EXD1: variants seen among roughly 807,000 people sequenced by gnomAD.
The protein encoded by EXD1 is exonuclease 3'-5' domain containing 1.
Under a neutral mutation model 49.1 loss-of-function variants are expected in EXD1, and 63 were observed. That is an observed-to-expected ratio of 1.28 (90% CI 1.05 to 1.58). The LOEUF (loss-of-function observed/expected upper bound fraction) is 1.58. EXD1 is among the 40% of genes most tolerant of loss of function. EXD1 has a pLI of 0.00. For synonymous variants in EXD1, 234 were observed against 239.2 expected, an observed-to-expected ratio of 0.98 and a Z score of 0.20; for missense variants, 748 against 666.0, an observed-to-expected ratio of 1.12 and a Z score of -1.36.
intron 9 of EXD1, chr15:41,192,380 T>C: frequency 6.6e-6 from 1 of 152,214 alleles, no homozygotes; most frequent in Non-Finnish European, 1.5e-5. Context: ...CATTGCAACC[T>C]CCACCTCCCG....
intron 5 of EXD1, 36 bp downstream of exon 5, chr15:41,216,631 CA>C (rs371128554): frequency 0.022 from 22,419 of 1,004,586 alleles, no homozygotes; most frequent in South Asian, 0.045. Context: ...AACTCCATCT[CA>C]AAAAAAAAAA....
chr15:41,218,110 T>A (rs901224517), intron 3 of EXD1, among the ~76,000 whole-genome samples: 2 of 152,086 alleles, frequency 1.3e-5, no homozygotes, highest in African/African-American at 2.4e-5. Context: ...TCTGGGAAGC[T>A]GAGGCAGGCA....
At chr15:41,210,884 T>C (rs1165056104) in intron 6 of EXD1, among the ~76,000 whole-genome samples, 2 of 152,134 alleles carry the variant, frequency 1.3e-5, no homozygotes, top group East Asian at 3.9e-4. Flanking sequence ...ATATCTCCCT[T>C]TAGAGAGCAT....
Position 41,183,992 on chromosome 15 carries a change from G to A in EXD1, c.1658C>T (p.Pro553Leu). The change falls in exon 12 of 12, where the codon CCT becomes CTT. Residue 553 changes from proline (P) to leucine (L), a missense_variant. Coordinates refer to ENST00000458580, the MANE Select transcript of EXD1 (RefSeq NM_001286441.2). ...PIRKTVVSTL[P>L]PCPALEKIDS... ...GATCTTCTCCAAGGCTGGACAGGGAGGGAGTGTGGAAACCACAGTCTTTCT... is the reference window on the plus strand; with the variant it reads ...GATCTTCTCCAAGGCTGGACAGGGAAGGAGTGTGGAAACCACAGTCTTTCT... The A allele has an allele frequency of 6.2e-7, 1 of 1,613,948 alleles. No individual in the cohort carries two copies. Among genetic ancestry groups the A allele is most frequent in the Non-Finnish European group, 8.5e-7 (1 of 1,179,918 alleles).
intron 2 of EXD1, among the ~76,000 whole-genome samples, chr15:41,223,538 T>C (rs1409494438): frequency 6.6e-6 from 1 of 151,006 alleles, no homozygotes; most frequent in Non-Finnish European, 1.5e-5. Context: ...CCAGGCAACA[T>C]AGTGAGACCC....
intron 7 of EXD1, among the ~76,000 whole-genome samples, chr15:41,199,778 ATATAT>A (rs983956700): frequency 1.4e-4 from 4 of 29,480 alleles, no homozygotes; most frequent in Non-Finnish European, 2.1e-4. Flanking sequence ...TATATATGTC[ATATAT>A]TATATAATGT....
At chr15:41,224,505 C>T (rs2047133382) in intron 2 of EXD1, among the ~76,000 whole-genome samples, 1 of 152,034 alleles carries the variant, frequency 6.6e-6, no homozygotes, top group South Asian at 2.1e-4. Flanking sequence ...TATATTGAAG[C>T]TTCCAGATTG....
intron 7 of EXD1, among the ~76,000 whole-genome samples, chr15:41,205,947 T>G (rs1049398307): frequency 3.3e-5 from 5 of 150,632 alleles, no homozygotes; most frequent in African/African-American, 1.2e-4. Context: ...GGGCATGATC[T>G]TGGCTCACTG....
chr15:41,226,512 A>T lies in EXD1; in HGVS notation c.64T>A (p.Leu22Met), dbSNP rs890979564. 13 of 1,535,962 alleles carry T rather than the reference A, an allele frequency of 8.5e-6. No homozygotes were observed. In the East Asian group the frequency reaches 3.2e-4, roughly 38 times the overall value. ...QILWKRVKLT[L>M]VCGVFEGVLQ... ...ACACCCTCGAAGACACCACAGACCA[A>T]TGTGAGTTTCACCCTCTTCCACAAA... Residue 22 changes from leucine (L) to methionine (M), a missense_variant, in exon 2 of 12, where the codon TTG (leucine) becomes ATG (methionine). Transcript: ENST00000458580.
At chr15:41,209,932 G>C (rs2046895999) in intron 6 of EXD1, among the ~76,000 whole-genome samples, 1 of 152,136 alleles carries the variant, frequency 6.6e-6, no homozygotes, top group South Asian at 2.1e-4. Flanking sequence ...AATTGAGACA[G>C]AGTTTCACTC....
At chr15:41,185,483 G>A (rs553942870) in intron 11 of EXD1, among the ~76,000 whole-genome samples, 2 of 151,938 alleles carry the variant, frequency 1.3e-5, no homozygotes, top group African/African-American at 4.8e-5. Flanking sequence ...GTAGCTGGAA[G>A]CACAGGTGCA....
rs776423373 is a variant in EXD1 at position 41,184,587 on chromosome 15, A to G, written c.1063T>C (p.Cys355Arg). ...ADRLGGTEPTCMELPEELLQL... is the reference protein window; with the variant it reads ...ADRLGGTEPTRMELPEELLQL... The stretch of plus-strand genomic sequence containing the variant: ...AGCAGTTCCTCTGGCAGCTCCATAC[A>G]TGTAGGCTAAGAAGAGAAAGCGAAC... Residue 355 changes from cysteine to arginine, a missense_variant, in exon 12 of 12, where the codon TGT (cysteine) becomes CGT (arginine). Coordinates refer to ENST00000458580, the MANE Select transcript of EXD1 (RefSeq NM_001286441.2). 2.5e-6 allele frequency: 4 copies of G among 1,579,790 alleles called. No homozygotes were observed. The South Asian group carries it at 3.5e-5, about 14-fold the overall frequency.
intron 11 of EXD1, among the ~76,000 whole-genome samples, chr15:41,185,124 C>T (rs868822967): frequency 6.6e-6 from 1 of 152,282 alleles, no homozygotes; most frequent in Middle Eastern, 3.4e-3. Context: ...TGTGTGTATG[C>T]ACGTATGTAT....
intron 4 of EXD1, 37 bp downstream of exon 4, chr15:41,217,059 TG>T: frequency 3.8e-6 from 6 of 1,566,624 alleles, no homozygotes; most frequent in Non-Finnish European, 5.3e-6. Context: ...TGTGCACATT[TG>T]GAAAATATCA....
intron 2 of EXD1, among the ~76,000 whole-genome samples, chr15:41,220,531 T>C (rs973842755): frequency 6.6e-6 from 1 of 152,190 alleles, no homozygotes; most frequent in Non-Finnish European, 1.5e-5. Flanking sequence ...GTGCTGGGAT[T>C]ACAGGTGTGA....
chr15:41,185,607 G>A (rs2046395595), intron 11 of EXD1, among the ~76,000 whole-genome samples: 2 of 152,116 alleles, frequency 1.3e-5, no homozygotes, highest in South Asian at 4.2e-4. Flanking sequence ...TCCACCTCCT[G>A]GGCTCAAGCA....
intron 2 of EXD1, among the ~76,000 whole-genome samples, chr15:41,222,516 C>T (rs1015026109): frequency 7.9e-5 from 12 of 152,100 alleles, no homozygotes; most frequent in East Asian, 1.9e-4. Flanking sequence ...CTTCTAGGTA[C>T]GAATTAGTTG....
At chr15:41,195,104 A>G (rs564904067) in intron 9 of EXD1, among the ~76,000 whole-genome samples, 1 of 152,310 alleles carries the variant, frequency 6.6e-6, no homozygotes, top group South Asian at 2.1e-4. Context: ...CCAGAAACCC[A>G]GATCAGCTCT....
chr15:41,188,360 C>T (rs1285922683), intron 11 of EXD1, among the ~76,000 whole-genome samples: 1 of 145,754 alleles, frequency 6.9e-6, no homozygotes. Context: ...CCTCCACTCT[C>T]CTCCCTTCCC....
Sources: allele counts gnomAD v4.1 joint callset (sites outside exome capture counted in the v4.1 genomes callset), GRCh38; gene constraint gnomAD v4.1.1; transcripts MANE v1.5; gene names NCBI Gene and HGNC (gene_info 2026-07-23, HGNC 2026-07-21).